Variants in BLTP3A observed in about 807,000 individuals in gnomAD.
BLTP3A encodes the protein ICBP90 binding protein 1.
the BLTP3A span, chr6:34,867,664 C>G: frequency 6.3e-7 from 1 of 1,580,474 alleles, no homozygotes; most frequent in Non-Finnish European, 8.6e-7. Flanking sequence ...TTGTCTAGGA[C>G]AGCCATAGAT....
the BLTP3A span, chr6:34,855,964 C>T: frequency 1.0e-6 from 1 of 966,952 alleles, no homozygotes; most frequent in Non-Finnish European, 1.2e-6. Context: ...CTACTCTCAG[C>T]CCCTCACTTC....
At chr6:34,834,961 G>A in the BLTP3A span, 2 of 1,436,852 alleles carry the variant, frequency 1.4e-6, no homozygotes, top group Non-Finnish European at 1.9e-6. Context: ...ATTGGCCCTG[G>A]AATGACAGTT....
chr6:34,822,378 GA>G, the BLTP3A span, among the ~76,000 whole-genome samples: 1 of 151,846 alleles, frequency 6.6e-6, no homozygotes, highest in African/African-American at 2.4e-5. Flanking sequence ...AAGTAGCTAG[GA>G]TTACATGTAC....
chr6:34,865,499 A>G, the BLTP3A span, among the ~76,000 whole-genome samples: 1 of 152,230 alleles, frequency 6.6e-6, no homozygotes, highest in East Asian at 1.9e-4. Flanking sequence ...TGTTGTAGTA[A>G]ACACAGGAAT....
chr6:34,850,276 TA>T, the BLTP3A span, among the ~76,000 whole-genome samples: 3 of 152,246 alleles, frequency 2.0e-5, no homozygotes, highest in African/African-American at 7.2e-5. Flanking sequence ...TTGCAGCTTT[TA>T]GGATCCTTTC....
At chr6:34,821,388 G>A in the BLTP3A span, 1 of 328,900 alleles carries the variant, frequency 3.0e-6, no homozygotes, top group Admixed American at 4.5e-5. Flanking sequence ...AGAATCATAG[G>A]TCTCACCTAA....
chr6:34,796,803 C>T, the BLTP3A span, among the ~76,000 whole-genome samples: 3 of 152,174 alleles, frequency 2.0e-5, no homozygotes, highest in African/African-American at 7.2e-5. Context: ...CCCCCGAGTT[C>T]AAGTGATTTT....
chr6:34,834,897 C>A, the BLTP3A span: 7 of 1,599,636 alleles, frequency 4.4e-6, no homozygotes, highest in Non-Finnish European at 5.1e-6. Flanking sequence ...AAACTTCCAT[C>A]TCTTATTCTA....
At chr6:34,842,166 G>A in the BLTP3A span, among the ~76,000 whole-genome samples, 1 of 152,092 alleles carries the variant, frequency 6.6e-6, no homozygotes, top group Non-Finnish European at 1.5e-5. Context: ...AGCAGAGGAG[G>A]CATTGTTGTG....
the BLTP3A span, among the ~76,000 whole-genome samples, chr6:34,840,463 G>A: frequency 1.3e-5 from 2 of 150,688 alleles, no homozygotes; most frequent in Non-Finnish European, 3.0e-5. Flanking sequence ...CTACATGGGA[G>A]GCTGAGGCAG....
the BLTP3A span, chr6:34,877,454 C>CT: frequency 6.6e-6 from 1 of 152,624 alleles, no homozygotes; most frequent in African/African-American, 2.4e-5. Flanking sequence ...TCTAGTCAAA[C>CT]TTTGAGTGTA....
chr6:34,872,059 T>A, the BLTP3A span: 1 of 940,184 alleles, frequency 1.1e-6, no homozygotes, highest in Non-Finnish European at 1.6e-6. Context: ...TCCTGTCACC[T>A]AGCAGCGGCT....
At chr6:34,835,505 CAGT>C in the BLTP3A span, 1 of 1,588,214 alleles carries the variant, frequency 6.3e-7, no homozygotes, top group Middle Eastern at 1.9e-4. Flanking sequence ...GCTAGGGACT[CAGT>C]AGGCCAGACC....
chr6:34,871,844 T>C, the BLTP3A span: 1 of 1,614,182 alleles, frequency 6.2e-7, no homozygotes, highest in Non-Finnish European at 8.5e-7. Flanking sequence ...AACCATCAGC[T>C]GAAGTACTTA....
the BLTP3A span, among the ~76,000 whole-genome samples, chr6:34,825,264 T>TA: frequency 2.0e-5 from 3 of 152,174 alleles, no homozygotes; most frequent in Non-Finnish European, 2.9e-5. Context: ...TAAGAATACT[T>TA]CCAAGGGGGT....
the BLTP3A span, among the ~76,000 whole-genome samples, chr6:34,837,045 A>T: frequency 6.6e-6 from 1 of 152,224 alleles, no homozygotes; most frequent in East Asian, 1.9e-4. Flanking sequence ...ATGAGCCAAT[A>T]GGCTGAATTT....
the BLTP3A span, among the ~76,000 whole-genome samples, chr6:34,848,950 ATTTT>A: frequency 0.012 from 1,003 of 86,846 alleles, 17 homozygotes; most frequent in African/African-American, 0.037. Context: ...AATTTCTTGC[ATTTT>A]TTTTTTTTTT....
the BLTP3A span, chr6:34,859,057 A>C: frequency 4.3e-6 from 7 of 1,614,164 alleles, no homozygotes; most frequent in Non-Finnish European, 5.9e-6. Context: ...CTCAGATAGC[A>C]CTAGCCTCGT....
chr6:34,872,201 G>T, the BLTP3A span: 2 of 1,276,222 alleles, frequency 1.6e-6, no homozygotes, highest in Non-Finnish European at 2.2e-6. Context: ...CTTAATCATT[G>T]ACATAACTTG....
Sources: allele counts gnomAD v4.1 joint callset (sites outside exome capture counted in the v4.1 genomes callset), GRCh38; gene constraint gnomAD v4.1.1; transcripts MANE v1.5; gene names NCBI Gene and HGNC (gene_info 2026-07-23, HGNC 2026-07-21).